The following KALRN variants were observed in gnomAD, a reference collection of about 807,000 sequenced individuals.
The protein encoded by KALRN is kalirin.
Under a neutral mutation model 353.7 loss-of-function variants are expected in KALRN, and 70 were observed. That is an observed-to-expected ratio of 0.20 (90% CI 0.16 to 0.24). The LOEUF is 0.24. Among genes scored for constraint, KALRN ranks in the 10% least tolerant of loss-of-function variants. KALRN has a pLI of 1.00. For synonymous variants in KALRN, 1,391 were observed against 1,434.8 expected (o/e 0.97, Z 0.69); for missense variants, 2,791 against 3,756.7 (o/e 0.74, Z 6.72).
At chr3:124,181,813 ATCTCT>A (rs2073637082) in intron 1 of KALRN, among the ~76,000 whole-genome samples, 1 of 152,232 alleles carries the variant, frequency 6.6e-6, no homozygotes, top group Non-Finnish European at 1.5e-5. Context: ...GGAGCACAGC[ATCTCT>A]TCTCTGATGG....
intron 1 of KALRN, chr3:124,094,853 T>C (rs767942900): frequency 2.5e-6 from 4 of 1,614,118 alleles, no homozygotes; most frequent in Non-Finnish European, 3.4e-6. Flanking sequence ...GGACCGCTTC[T>C]GGGACCAGTG....
At chr3:124,624,581 G>A (rs187712672) in intron 34 of KALRN, among the ~76,000 whole-genome samples, 207 of 152,258 alleles carry the variant, frequency 1.4e-3, no homozygotes, top group Non-Finnish European at 2.4e-3. Flanking sequence ...TAACATCAAC[G>A]TGCTTATTCT....
intron 3 of KALRN, among the ~76,000 whole-genome samples, chr3:124,255,659 C>T (rs938363582): frequency 3.3e-5 from 5 of 152,188 alleles, no homozygotes; most frequent in Non-Finnish European, 7.3e-5. Flanking sequence ...CCCACAATAG[C>T]CATGACAGTT....
intron 33 of KALRN, among the ~76,000 whole-genome samples, chr3:124,560,466 G>A (rs192808438): frequency 6.6e-6 from 1 of 152,220 alleles, no homozygotes; most frequent in South Asian, 2.1e-4. Flanking sequence ...AATCAAATTA[G>A]TGGGATGTCA....
chr3:124,662,205 T>C (rs1203394134), intron 45 of KALRN, among the ~76,000 whole-genome samples: 30 of 143,552 alleles, frequency 2.1e-4, no homozygotes, highest in Admixed American at 4.1e-4. Context: ...TTTTTTTTTT[T>C]TTTTTTTTTT....
At chr3:124,198,284 C>A (rs1042298527) in intron 1 of KALRN, among the ~76,000 whole-genome samples, 1 of 152,156 alleles carries the variant, frequency 6.6e-6, no homozygotes, top group African/African-American at 2.4e-5. Context: ...CACTCCATAA[C>A]TCATGATTTG....
At chr3:124,648,471 C>T (rs1341773552) in intron 37 of KALRN, among the ~76,000 whole-genome samples, 3 of 152,166 alleles carry the variant, frequency 2.0e-5, no homozygotes, top group Non-Finnish European at 4.4e-5. Flanking sequence ...TGGGAGTGCC[C>T]GTGGGCAGAG....
intron 1 of KALRN, among the ~76,000 whole-genome samples, chr3:124,087,752 A>G (rs2060898551): frequency 6.6e-6 from 1 of 152,144 alleles, no homozygotes; most frequent in Non-Finnish European, 1.5e-5. Flanking sequence ...GGGGGTCTCA[A>G]CCAGCATCTG....
At chr3:124,056,942 A>G (rs971290755) in intron 1 of KALRN, among the ~76,000 whole-genome samples, 2 of 152,194 alleles carry the variant, frequency 1.3e-5, no homozygotes, top group African/African-American at 4.8e-5. Flanking sequence ...TATAAAGAGG[A>G]TTTTTTGAAA....
intron 1 of KALRN, chr3:124,164,043 A>C: frequency 2.1e-6 from 2 of 932,408 alleles, no homozygotes; most frequent in Non-Finnish European, 2.6e-6. Context: ...AACTGTACAC[A>C]GTCAGTTTTT....
At chr3:124,688,915 A>G (rs1321450203) in intron 51 of KALRN, among the ~76,000 whole-genome samples, 1 of 152,348 alleles carries the variant, frequency 6.6e-6, no homozygotes, top group East Asian at 1.9e-4. Flanking sequence ...CATTTTGAAG[A>G]AAAAACGATA....
chr3:124,490,664 C>G (rs759088005), intron 29 of KALRN, 30 bp from the exon 30 acceptor site: 3 of 1,597,442 alleles, frequency 1.9e-6, no homozygotes, highest in East Asian at 2.2e-5. Flanking sequence ...AGTAGAGAAA[C>G]TCCACAGGGT....
At chr3:124,525,590 C>G (rs998021260) in intron 33 of KALRN, among the ~76,000 whole-genome samples, 1 of 152,158 alleles carries the variant, frequency 6.6e-6, no homozygotes, top group African/African-American at 2.4e-5. Context: ...TGGTGTCTCA[C>G]AGATTCACGA....
intron 21 of KALRN, among the ~76,000 whole-genome samples, chr3:124,449,305 A>G (rs542050543): frequency 2.0e-4 from 30 of 152,356 alleles, no homozygotes; most frequent in African/African-American, 7.0e-4. Flanking sequence ...CATTGGATAT[A>G]GAAAGATACT....
At chr3:124,320,009 A>G (rs2079166163) in intron 6 of KALRN, among the ~76,000 whole-genome samples, 1 of 152,012 alleles carries the variant, frequency 6.6e-6, no homozygotes, top group Non-Finnish European at 1.5e-5. Context: ...TAATAATAAT[A>G]ATAATAAGCA....
chr3:124,468,226 C>T (rs1489183019), intron 25 of KALRN, among the ~76,000 whole-genome samples: 2 of 152,148 alleles, frequency 1.3e-5, no homozygotes, highest in African/African-American at 2.4e-5. Context: ...TTGAAAAACA[C>T]CTGCATTATG....
intron 1 of KALRN, among the ~76,000 whole-genome samples, chr3:124,045,835 A>G (rs919914088): frequency 1.3e-5 from 2 of 151,984 alleles, no homozygotes; most frequent in African/African-American, 4.8e-5. Flanking sequence ...TAATGTATAG[A>G]GGAAGGATTA....
At chr3:124,150,287 A>G (rs879698881) in intron 1 of KALRN, among the ~76,000 whole-genome samples, 21 of 152,260 alleles carry the variant, frequency 1.4e-4, no homozygotes, top group Non-Finnish European at 2.6e-4. Flanking sequence ...TTGTTCAACA[A>G]ATAAGACCAT....
chr3:124,367,471 C>G (rs2085007354), intron 10 of KALRN, among the ~76,000 whole-genome samples: 1 of 98,968 alleles, frequency 1.0e-5, no homozygotes, highest in Admixed American at 8.4e-5. Flanking sequence ...GCTGACCCCC[C>G]CACCTCCCTC....
Sources: gnomAD v4.1 joint callset for allele counts (sites outside exome capture counted in the v4.1 genomes callset) on GRCh38, gnomAD v4.1.1 for gene constraint, MANE v1.5 for transcripts, NCBI Gene and HGNC (gene_info 2026-07-23, HGNC 2026-07-21) for gene names.